Variants in B3GLCT observed in about 807,000 individuals in gnomAD.
B3GLCT encodes beta-1,3-glucosyltransferase.
B3GLCT carries 65 observed loss-of-function variants against 63.4 expected under a neutral mutation model. The ratio of observed to expected loss-of-function variants is 1.03; its 90% CI spans 0.84 to 1.26. The LOEUF is 1.26. Ranked by LOEUF, B3GLCT falls within the 50% of genes most tolerant of loss-of-function variation. B3GLCT has a pLI of 0.00. For missense variants in B3GLCT, 577 were observed against 604.8 expected, an observed-to-expected ratio of 0.95 and a Z score of 0.48; for synonymous variants, 233 against 219.2, an observed-to-expected ratio of 1.06 and a Z score of -0.55.
At chr13:31,281,679 A>G (rs1165103198) in intron 10 of B3GLCT, among the ~76,000 whole-genome samples, 1 of 152,204 alleles carries the variant, frequency 6.6e-6, no homozygotes, top group Non-Finnish European at 1.5e-5. Context: ...GTGTGTCCCT[A>G]ATCTGCTCCT....
rs193289851 is a variant in B3GLCT at position 31,272,276 on chromosome 13, C to T, written c.661-2233C>T. On this transcript the variant is annotated intron_variant, in intron 8 of 14. Transcript: ENST00000343307. The stretch of plus-strand genomic sequence containing the variant: ...TGTCACCCAGGCTGGAGTGCAGTGG[C>T]GCCATCTTGGCTTACTGCAACCTCC... Among the ~76,000 whole-genome samples, 9 of 146,164 alleles carry T rather than the reference C, an allele frequency of 6.2e-5. No individual in the cohort carries two copies. The South Asian group carries it at 6.5e-4, about 11-fold the overall frequency.
chr13:31,327,363 A>C (rs371272572), intron 14 of B3GLCT, among the ~76,000 whole-genome samples: 2 of 152,212 alleles, frequency 1.3e-5, no homozygotes, highest in Non-Finnish European at 2.9e-5. Context: ...AGGGGCAGGG[A>C]GTGTAGACAG....
chr13:31,298,990 G>A (rs780865103), intron 12 of B3GLCT, among the ~76,000 whole-genome samples: 2 of 152,222 alleles, frequency 1.3e-5, no homozygotes, highest in Non-Finnish European at 2.9e-5. Context: ...ACTACGTCAA[G>A]TAGGAGGGAA....
intron 6 of B3GLCT, among the ~76,000 whole-genome samples, chr13:31,254,327 A>T (rs562777581): frequency 9.5e-4 from 144 of 152,306 alleles, no homozygotes; most frequent in African/African-American, 3.3e-3. Context: ...CTTATCCACC[A>T]CGATCAAGTT....
At chr13:31,225,842 C>G (rs7994079) in intron 3 of B3GLCT, among the ~76,000 whole-genome samples, 89,238 of 152,006 alleles carry the variant, frequency 0.59, 28,547 homozygotes, top group Middle Eastern at 0.75. Flanking sequence ...GCTCATGAGG[C>G]CCTTCCCCCA....
chr13:31,292,484 C>G (rs935441571), intron 12 of B3GLCT, among the ~76,000 whole-genome samples: 70 of 152,094 alleles, frequency 4.6e-4, no homozygotes, highest in African/African-American at 1.7e-3. Context: ...GCCTCAATTT[C>G]AGAACTTGTT....
chr13:31,225,581 C>T (rs942852873), intron 3 of B3GLCT, among the ~76,000 whole-genome samples: 2 of 152,230 alleles, frequency 1.3e-5, no homozygotes, highest in Non-Finnish European at 1.5e-5. Context: ...CAGTGATCTT[C>T]CGGCATTCAT....
chr13:31,223,185 CATGTGGTGGATTTATGTTTACTTAGTGAG>C (rs1213152614), intron 3 of B3GLCT, among the ~76,000 whole-genome samples, 194 bp downstream of exon 3: 1 of 152,150 alleles, frequency 6.6e-6, no homozygotes, highest in African/African-American at 2.4e-5. Flanking sequence ...GGCATGTTGG[CATGTGGTGGATTTATGTTTACTTAGTGAG>C]ATATGTTGGA....
At chr13:31,298,197 C>T (rs148476591) in intron 12 of B3GLCT, among the ~76,000 whole-genome samples, 1 of 152,270 alleles carries the variant, frequency 6.6e-6, no homozygotes, top group Non-Finnish European at 1.5e-5. Context: ...GCAATTTGGA[C>T]GTTCCAAAGA....
intron 8 of B3GLCT, among the ~76,000 whole-genome samples, chr13:31,272,942 T>C (rs1216110971): frequency 6.6e-6 from 1 of 152,216 alleles, no homozygotes; most frequent in African/African-American, 2.4e-5. Context: ...GAATTTCTTT[T>C]AGTGAGGTGG....
intron 8 of B3GLCT, among the ~76,000 whole-genome samples, chr13:31,273,012 G>T (rs1461059862): frequency 6.6e-6 from 1 of 152,084 alleles, no homozygotes; most frequent in Non-Finnish European, 1.5e-5. Context: ...TTTGAAGCAT[G>T]CTTACATCAT....
intron 10 of B3GLCT, among the ~76,000 whole-genome samples, chr13:31,280,214 T>C (rs1872999556): frequency 6.6e-6 from 1 of 152,186 alleles, no homozygotes; most frequent in Non-Finnish European, 1.5e-5. Context: ...GTGATAAGTG[T>C]CCATGAAATC....
chr13:31,278,058 CT>C (rs1276849804), intron 10 of B3GLCT, among the ~76,000 whole-genome samples: 3 of 151,968 alleles, frequency 2.0e-5, no homozygotes, highest in Non-Finnish European at 4.4e-5. Flanking sequence ...AACTATACCG[CT>C]TTTTGTTTTG....
chr13:31,245,685 C>T (rs1871167564), intron 4 of B3GLCT, among the ~76,000 whole-genome samples: 1 of 152,094 alleles, frequency 6.6e-6, no homozygotes, highest in Non-Finnish European at 1.5e-5. Flanking sequence ...TTTGCATTTA[C>T]CCATAATTAT....
At chr13:31,296,196 G>A (rs935922327) in intron 12 of B3GLCT, among the ~76,000 whole-genome samples, 4 of 152,244 alleles carry the variant, frequency 2.6e-5, no homozygotes, top group African/African-American at 9.6e-5. Context: ...TGGAAATGCA[G>A]AAATCACCTG....
intron 12 of B3GLCT, among the ~76,000 whole-genome samples, chr13:31,287,405 C>T (rs1393917274): frequency 6.6e-6 from 1 of 152,130 alleles, no homozygotes; most frequent in Non-Finnish European, 1.5e-5. Context: ...GTATTGAGAA[C>T]AGCGTGTAAG....
intron 14 of B3GLCT, among the ~76,000 whole-genome samples, chr13:31,326,906 A>C (rs1875653656): frequency 6.6e-6 from 1 of 152,190 alleles, no homozygotes; most frequent in South Asian, 2.1e-4. Context: ...GCAGCAAATC[A>C]CTTCTAGAAT....
At chr13:31,297,392 T>C (rs1874006007) in intron 12 of B3GLCT, among the ~76,000 whole-genome samples, 1 of 151,548 alleles carries the variant, frequency 6.6e-6, no homozygotes, top group Admixed American at 6.6e-5. Context: ...TTTTTTTTTT[T>C]TTGATAGTCG....
At chr13:31,233,029 A>G (rs1450744719) in intron 4 of B3GLCT, among the ~76,000 whole-genome samples, 1 of 152,230 alleles carries the variant, frequency 6.6e-6, no homozygotes, top group African/African-American at 2.4e-5. Flanking sequence ...TTAAATCACA[A>G]GTTCTTTGAA....
Sources: gnomAD v4.1 joint callset for allele counts (sites outside exome capture counted in the v4.1 genomes callset) on GRCh38, gnomAD v4.1.1 for gene constraint, MANE v1.5 for transcripts, NCBI Gene and HGNC (gene_info 2026-07-23, HGNC 2026-07-21) for gene names.